Variants in PYGL observed in about 807,000 individuals in gnomAD.
PYGL encodes glycogen phosphorylase, liver form.
Under a neutral mutation model 100.1 loss-of-function variants are expected in PYGL, and 90 were observed. The ratio of observed to expected loss-of-function variants is 0.90; its 90% CI spans 0.76 to 1.07. PYGL has a LOEUF of 1.07. PYGL is among the 50% of genes least tolerant of loss of function. The pLI is 0.00. For missense variants in PYGL, 1,016 were observed against 1,057.6 expected (o/e 0.96, Z 0.55); for synonymous variants, 373 against 393.0 (o/e 0.95, Z 0.60).
At chr14:50,941,972 T>C (rs2050705662) in intron 1 of PYGL, among the ~76,000 whole-genome samples, 3 of 152,192 alleles carry the variant, frequency 2.0e-5, no homozygotes, top group Admixed American at 6.5e-5. Flanking sequence ...GGAAGATATC[T>C]AGATATGTTC....
rs2050375665 is a variant in PYGL at position 50,909,951 on chromosome 14, C to G, written c.2121G>C (p.Glu707Asp). 1.2e-6 allele frequency: 2 copies of G among 1,614,232 alleles called. No homozygotes were observed. Among genetic ancestry groups the G allele is most frequent in the Non-Finnish European group, 1.7e-6 (2 of 1,180,046 alleles). The stretch of plus-strand genomic sequence containing the variant: ...TCCTCATGCCAAAGATGAACAGGTT[C>G]TCTTCCCCAGCTTCTTCTGCCATTT... ...NVEMAEEAGE[E>D]NLFIFGMRID... is the part of the protein sequence containing the mutation. Residue 707 changes from glutamate (E) to aspartate (D), a missense_variant, in exon 17 of 20, where the codon GAG becomes GAC. Physicochemically the swap from Glu to Asp is conservative, Grantham distance 45 (BLOSUM62 2). Transcript: ENST00000216392.
At chr14:50,913,628 C>T (rs2050420172) in intron 12 of PYGL, among the ~76,000 whole-genome samples, 2 of 152,112 alleles carry the variant, frequency 1.3e-5, no homozygotes, top group Non-Finnish European at 2.9e-5. Context: ...CCCTCCTCGG[C>T]CTCCCAAAGT....
At chr14:50,934,032 CAT>C (rs905573508) in intron 3 of PYGL, among the ~76,000 whole-genome samples, 9 of 152,142 alleles carry the variant, frequency 5.9e-5, no homozygotes, top group Non-Finnish European at 8.8e-5. Flanking sequence ...ATTTTCCCCA[CAT>C]GTCTTCTTAT....
chr14:50,910,706 T>TC (rs1379162026), intron 16 of PYGL, among the ~76,000 whole-genome samples: 12 of 152,308 alleles, frequency 7.9e-5, no homozygotes, highest in African/African-American at 2.9e-4. Context: ...ATTCAGAGTG[T>TC]CCCTCCAGGA....
intron 4 of PYGL, among the ~76,000 whole-genome samples, chr14:50,926,899 G>T (rs780939873): frequency 6.6e-6 from 1 of 152,142 alleles, no homozygotes; most frequent in African/African-American, 2.4e-5. Context: ...AAAATACTGA[G>T]CAATGTGAAC....
At chr14:50,921,421 TCTCA>T (rs905941822) in intron 5 of PYGL, 16 of 219,110 alleles carry the variant, frequency 7.3e-5, no homozygotes, top group African/African-American at 3.5e-4. Context: ...TGAGACGGAG[TCTCA>T]CTCTGTTGCC....
intron 19 of PYGL, among the ~76,000 whole-genome samples, chr14:50,906,183 AAG>A (rs2050334787): frequency 6.6e-6 from 1 of 152,230 alleles, no homozygotes; most frequent in Non-Finnish European, 1.5e-5. Flanking sequence ...TTTTATATAA[AAG>A]AATATGATAA....
At chr14:50,940,807 T>A (rs543964497) in intron 1 of PYGL, among the ~76,000 whole-genome samples, 146 of 152,376 alleles carry the variant, frequency 9.6e-4, no homozygotes, top group African/African-American at 3.4e-3. Context: ...CAAATATTTT[T>A]AAATTGTATG....
intron 4 of PYGL, 52 bp downstream of exon 4, chr14:50,931,621 C>A (rs898303461): frequency 6.9e-7 from 1 of 1,458,394 alleles, no homozygotes; most frequent in Non-Finnish European, 9.6e-7. Flanking sequence ...ATCCAGAGCA[C>A]CATGAAAGAG....
rs1302019062 is a variant in PYGL, at chr14:50,920,571, G to A, written c.825C>T (p.Asn275=). The A allele has an allele frequency of 1.9e-6, 3 of 1,613,474 alleles. 1 individual carries two copies. The highest frequency in any genetic ancestry group is 4.5e-5 in the East Asian group (2 of 44,878). ...CATTGGGATAGAGGACCCGGGAGAT[G>A]TTCTCGGCCAGGTTTCGGTCCAGCA... is the stretch of plus-strand genomic sequence containing the variant. The part of the protein sequence containing the change: ...QAVLDRNLAE[N]ISRVLYPNDN... The change falls in exon 7 of 20, where the codon AAC becomes AAT. Residue 275 remains asparagine, a synonymous_variant. Transcript: ENST00000216392.
intron 1 of PYGL, among the ~76,000 whole-genome samples, chr14:50,943,894 T>C (rs1009109932): frequency 2.0e-5 from 3 of 152,228 alleles, no homozygotes; most frequent in Non-Finnish European, 2.9e-5. Flanking sequence ...TTTGCCCACC[T>C]GGCGGTTTCC....
At chr14:50,931,552 C>A (rs2050600779) in intron 4 of PYGL, 121 bp downstream of exon 4, 3 of 933,804 alleles carry the variant, frequency 3.2e-6, no homozygotes, top group Non-Finnish European at 5.0e-6. Context: ...TCACTGATAC[C>A]AACCAAATGC....
intron 16 of PYGL, among the ~76,000 whole-genome samples, chr14:50,910,772 C>T (rs2050387940): frequency 6.6e-6 from 1 of 152,160 alleles, no homozygotes; most frequent in Non-Finnish European, 1.5e-5. Flanking sequence ...TACTTCTCAC[C>T]TCCTTCCTTC....
chr14:50,916,926 G>GT (rs773860808), intron 8 of PYGL, 36 bp downstream of exon 8: 2 of 1,608,856 alleles, frequency 1.2e-6, no homozygotes, highest in Non-Finnish European at 1.7e-6. Flanking sequence ...CAATCCCTCA[G>GT]TGGACCCTAA....
intron 2 of PYGL, among the ~76,000 whole-genome samples, chr14:50,936,847 C>T (rs561665354): frequency 1.3e-5 from 2 of 152,178 alleles, no homozygotes; most frequent in South Asian, 4.2e-4. Context: ...ATCACATCAC[C>T]CTGCCTGGCT....
intron 19 of PYGL, among the ~76,000 whole-genome samples, chr14:50,907,574 A>G (rs2050347086): frequency 6.6e-6 from 1 of 152,054 alleles, no homozygotes; most frequent in South Asian, 2.1e-4. Context: ...GGAGGGAGGG[A>G]GAGACCTCAA....
intron 12 of PYGL, among the ~76,000 whole-genome samples, chr14:50,914,120 T>C (rs767598837): frequency 4.7e-4 from 72 of 152,170 alleles, no homozygotes; most frequent in Admixed American, 1.3e-3. Context: ...GAGAAAACCA[T>C]CTTCTATGTG....
chr14:50,911,346 G>A (rs1013483423), intron 16 of PYGL, among the ~76,000 whole-genome samples: 2 of 152,176 alleles, frequency 1.3e-5, no homozygotes, highest in African/African-American at 2.4e-5. Flanking sequence ...CTTCTCACAG[G>A]GTGACCAAAG....
chr14:50,920,755 C>T, intron 6 of PYGL, 132 bp from the exon 7 acceptor site: 4 of 1,101,992 alleles, frequency 3.6e-6, no homozygotes, highest in Non-Finnish European at 5.4e-6. Context: ...AGGATTTCAA[C>T]ACACCGTCAT....
Sources: allele counts gnomAD v4.1 joint callset (sites outside exome capture counted in the v4.1 genomes callset), GRCh38; gene constraint gnomAD v4.1.1; transcripts MANE v1.5; gene names NCBI Gene and HGNC (gene_info 2026-07-23, HGNC 2026-07-21).